Variants in CNTN5 observed in about 807,000 individuals in gnomAD.
The protein encoded by CNTN5 is contactin 5.
Under a neutral mutation model 129.1 loss-of-function variants are expected in CNTN5, and 77 were observed. The observed-to-expected ratio is 0.60, with a 90% CI of 0.50 to 0.72. The LOEUF is 0.72. Ranked by LOEUF, CNTN5 falls within the 30% of genes least tolerant of loss-of-function variation. The probability of loss-of-function intolerance (pLI) is 0.00; values close to 1 mark genes in which losing one functional copy is unlikely to be tolerated. For missense variants in CNTN5, 1,478 were observed against 1,328.8 expected (o/e 1.11, Z -1.75); for synonymous variants, 509 against 465.6 (o/e 1.09, Z -1.20).
intron 1 of CNTN5, among the ~76,000 whole-genome samples, chr11:99,259,472 A>G (rs923654544): frequency 7.2e-5 from 11 of 151,888 alleles, no homozygotes; most frequent in Admixed American, 4.0e-4. Flanking sequence ...TGCAGTGGTG[A>G]GCAAGTATAG....
intron 3 of CNTN5, among the ~76,000 whole-genome samples, chr11:99,716,945 C>A (rs907885531): frequency 6.6e-6 from 1 of 151,960 alleles, no homozygotes; most frequent in Non-Finnish European, 1.5e-5. Context: ...AAGGAGTATA[C>A]CAGGGGAGCA....
At chr11:100,335,795 A>T (rs1326141236) in intron 21 of CNTN5, among the ~76,000 whole-genome samples, 1 of 151,834 alleles carries the variant, frequency 6.6e-6, no homozygotes, top group African/African-American at 2.4e-5. Context: ...CTCTTTATTT[A>T]GGTTTGTCTC....
chr11:99,563,961 C>A (rs1413129583), intron 3 of CNTN5, among the ~76,000 whole-genome samples: 1 of 152,164 alleles, frequency 6.6e-6, no homozygotes, highest in East Asian at 1.9e-4. Context: ...GCTGCAAAAG[C>A]ACATTATACA....
chr11:99,973,707 C>A (rs575126556), intron 8 of CNTN5, among the ~76,000 whole-genome samples: 189 of 152,100 alleles, frequency 1.2e-3, no homozygotes, highest in Non-Finnish European at 2.2e-3. Flanking sequence ...CATTATCCTG[C>A]AAGGATTCTG....
chr11:100,265,242 C>T (rs1591452038), intron 17 of CNTN5, among the ~76,000 whole-genome samples: 1 of 152,226 alleles, frequency 6.6e-6, no homozygotes, highest in East Asian at 1.9e-4. Flanking sequence ...CTAGATGTGT[C>T]CTCTTCTAAC....
chr11:99,784,183 T>C (rs894205220), intron 3 of CNTN5, among the ~76,000 whole-genome samples: 23 of 152,108 alleles, frequency 1.5e-4, no homozygotes, highest in African/African-American at 5.6e-4. Context: ...CTGGGATACA[T>C]GTGCAGAATG....
chr11:99,745,788 A>G (rs1314134904), intron 3 of CNTN5, among the ~76,000 whole-genome samples: 1 of 152,074 alleles, frequency 6.6e-6, no homozygotes, highest in East Asian at 1.9e-4. Flanking sequence ...TGTTAGGCAC[A>G]TGTGACACAA....
At chr11:99,420,794 C>A (rs996549379) in intron 2 of CNTN5, among the ~76,000 whole-genome samples, 1 of 152,142 alleles carries the variant, frequency 6.6e-6, no homozygotes, top group African/African-American at 2.4e-5. Flanking sequence ...TAGACATTTT[C>A]TCTCTTGGGT....
chr11:99,685,099 C>G (rs1289654017), intron 3 of CNTN5, among the ~76,000 whole-genome samples: 1 of 151,428 alleles, frequency 6.6e-6, no homozygotes, highest in African/African-American at 2.4e-5. Context: ...AAATTTTTCT[C>G]ACATTTTTGT....
intron 3 of CNTN5, among the ~76,000 whole-genome samples, chr11:99,649,258 A>G (rs2135873829): frequency 6.6e-6 from 1 of 151,850 alleles, no homozygotes; most frequent in African/African-American, 2.4e-5. Context: ...TATCTCCCAA[A>G]TTACTTCTAT....
In CNTN5 at chr11:100,071,732, TTGA is replaced by T; in HGVS notation, c.1332_1334del (p.Met444del). 1.3e-6 allele frequency: 2 copies of T among 1,595,948 alleles called. No homozygotes were observed. ...TAGGGTTGAGATGGTTAATGGAGTATTGATGATCCACAATGTGAATCAATCAGA... is the reference window on the plus strand; with the variant it reads ...TAGGGTTGAGATGGTTAATGGAGTATTGATCCACAATGTGAATCAATCAGA... On this transcript the variant is annotated inframe_deletion, in exon 12 of 25. Coordinates refer to ENST00000524871, the MANE Select transcript of CNTN5 (RefSeq NM_014361.4).
At chr11:100,098,548 C>A (rs1346578619) in intron 13 of CNTN5, among the ~76,000 whole-genome samples, 1 of 152,056 alleles carries the variant, frequency 6.6e-6, no homozygotes, top group Non-Finnish European at 1.5e-5. Flanking sequence ...GCTGTCCTTG[C>A]AGGAACACTA....
intron 3 of CNTN5, among the ~76,000 whole-genome samples, chr11:99,628,222 G>A (rs1951200407): frequency 6.8e-6 from 1 of 148,038 alleles, no homozygotes; most frequent in Non-Finnish European, 1.5e-5. Context: ...AGGAAACTTA[G>A]TAGTAGTATT....
At position 100,213,418 on chromosome 11, in the gene CNTN5, G is replaced by C. The variant is rs117995787; in HGVS notation, c.1885-11274G>C. 3.6e-3 allele frequency among the ~76,000 whole-genome samples: 542 copies of C among 152,250 alleles called. 7 individuals carry two copies. The East Asian group carries it at 0.044, about 12-fold the overall frequency. Reference sequence around the variant, plus strand: ...CTGGAAGCTGTATTATACAGTTAGAGAACAATGAGCAGTAGTAGAATATGG... The same window carrying C: ...CTGGAAGCTGTATTATACAGTTAGACAACAATGAGCAGTAGTAGAATATGG... On this transcript the variant is annotated intron_variant, in intron 15 of 24. Coordinates refer to ENST00000524871, the MANE Select transcript of CNTN5 (RefSeq NM_014361.4).
At chr11:99,816,415 C>T (rs1011836166) in intron 3 of CNTN5, among the ~76,000 whole-genome samples, 6 of 152,142 alleles carry the variant, frequency 3.9e-5, no homozygotes, top group African/African-American at 1.4e-4. Context: ...ACATGAATGT[C>T]CTGGAGGCAC....
chr11:99,610,900 G>T (rs997647314), intron 3 of CNTN5, among the ~76,000 whole-genome samples: 5 of 152,126 alleles, frequency 3.3e-5, no homozygotes, highest in Non-Finnish European at 5.9e-5. Flanking sequence ...AATAAGCAGC[G>T]CTATGTGCTT....
At chr11:99,858,443 A>T (rs1292413271) in intron 6 of CNTN5, among the ~76,000 whole-genome samples, 3 of 152,058 alleles carry the variant, frequency 2.0e-5, no homozygotes, top group African/African-American at 7.2e-5. Flanking sequence ...TTTATTAAAG[A>T]AAATCTCTAT....
At chr11:99,537,946 A>G (rs1037305206) in intron 2 of CNTN5, among the ~76,000 whole-genome samples, 2 of 152,122 alleles carry the variant, frequency 1.3e-5, no homozygotes, top group African/African-American at 4.8e-5. Context: ...GTCAAATACA[A>G]TTTGCCATTG....
chr11:99,884,019 T>C (rs1948836426), intron 6 of CNTN5, among the ~76,000 whole-genome samples: 1 of 152,164 alleles, frequency 6.6e-6, no homozygotes, highest in African/African-American at 2.4e-5. Context: ...TGATTCTGTT[T>C]TCACCTTTAG....
Sources: gnomAD v4.1 joint callset for allele counts (sites outside exome capture counted in the v4.1 genomes callset) on GRCh38, gnomAD v4.1.1 for gene constraint, MANE v1.5 for transcripts, NCBI Gene and HGNC (gene_info 2026-07-23, HGNC 2026-07-21) for gene names.